Variants in BANK1 observed in about 807,000 individuals in gnomAD.
BANK1 encodes B cell scaffold protein with ankyrin repeats 1.
Under a neutral mutation model 94.5 loss-of-function variants are expected in BANK1, and 95 were observed. The ratio of observed to expected loss-of-function variants is 1.00; its 90% CI spans 0.85 to 1.19. The LOEUF (loss-of-function observed/expected upper bound fraction) is 1.19. Ranked by LOEUF, BANK1 falls within the 50% of genes most tolerant of loss-of-function variation. The pLI, the probability that BANK1 is intolerant of heterozygous loss-of-function variation, is 0.00. For synonymous variants in BANK1, 334 were observed against 308.4 expected (o/e 1.08, Z -0.87); for missense variants, 987 against 932.2 (o/e 1.06, Z -0.77).
intron 7 of BANK1, among the ~76,000 whole-genome samples, chr4:101,988,036 C>G (rs1725574676): frequency 6.6e-6 from 1 of 152,174 alleles, no homozygotes; most frequent in Admixed American, 6.5e-5. Flanking sequence ...GTGCACATCA[C>G]AGTGACACAT....
intron 11 of BANK1, among the ~76,000 whole-genome samples, chr4:102,059,934 T>A (rs187440774): frequency 6.6e-6 from 1 of 152,336 alleles, no homozygotes; most frequent in African/African-American, 2.4e-5. Context: ...AAATTGGCAC[T>A]GCCATCAACT....
intron 7 of BANK1, among the ~76,000 whole-genome samples, chr4:101,992,215 G>A (rs1186332015): frequency 7.9e-5 from 12 of 152,076 alleles, no homozygotes; most frequent in Admixed American, 4.6e-4. Flanking sequence ...GAAGAACAAA[G>A]AACAATGACT....
chr4:102,028,363 A>T (rs896776321), intron 9 of BANK1, among the ~76,000 whole-genome samples: 1 of 152,242 alleles, frequency 6.6e-6, no homozygotes, highest in Non-Finnish European at 1.5e-5. Context: ...ATTGAAAGTT[A>T]GTGCTAGGCA....
Position 102,047,009 on chromosome 4 carries a change from G to A in BANK1, c.1969+3102G>A, listed in dbSNP as rs1727900219. On this transcript the variant is annotated intron_variant, in intron 11 of 16. Coordinates refer to ENST00000322953, the MANE Select transcript of BANK1 (RefSeq NM_017935.5). ...CCGGTAAATTGTTGAAAGAGACACT[G>A]GAATAAAACCAGGAAATTGTTTCAC... 2.6e-5 allele frequency among the ~76,000 whole-genome samples: 4 copies of A among 152,196 alleles called. No homozygotes were observed. In the South Asian group the frequency reaches 8.3e-4, roughly 32 times the overall value.
chr4:101,932,550 C>T (rs1039544719), intron 7 of BANK1, among the ~76,000 whole-genome samples: 2 of 151,446 alleles, frequency 1.3e-5, no homozygotes, highest in African/African-American at 4.8e-5. Context: ...AGACAGCTAT[C>T]ACCCTATTAC....
intron 2 of BANK1, among the ~76,000 whole-genome samples, chr4:101,852,841 C>T (rs1338297477): frequency 6.6e-6 from 1 of 151,634 alleles, no homozygotes; most frequent in East Asian, 1.9e-4. Flanking sequence ...TGATTATGTC[C>T]CCAGGGTAAA....
chr4:102,060,249 A>G lies in BANK1; in HGVS notation c.2008A>G (p.Arg670Gly), dbSNP rs770582672. Residue 670 changes from arginine (R) to glycine (G), a missense_variant, in exon 12 of 17, where the codon AGG becomes GGG. Physicochemically the swap from Arg to Gly is moderately radical, Grantham distance 125. Coordinates refer to ENST00000322953, the MANE Select transcript of BANK1 (RefSeq NM_017935.5). ...RIESPAFSTL[R>G]GCLTDGQEEL... ...AGAGAGTCCAGCCTTTTCTACTCTC[A>G]GGGGCTGTCTAACTGATGGTCAGGA... 3.1e-6 allele frequency: 5 copies of G among 1,603,124 alleles called. No individual in the cohort carries two copies. The highest frequency in any genetic ancestry group is 3.5e-5 in the Admixed American group (2 of 56,836).
intron 7 of BANK1, among the ~76,000 whole-genome samples, chr4:101,963,772 C>G (rs927918048): frequency 1.3e-5 from 2 of 152,026 alleles, no homozygotes; most frequent in East Asian, 1.9e-4. Context: ...TTACCCGAGG[C>G]CTTTTCTCGC....
intron 6 of BANK1, among the ~76,000 whole-genome samples, chr4:101,901,088 A>G (rs1332621373): frequency 6.6e-6 from 1 of 152,212 alleles, no homozygotes; most frequent in East Asian, 1.9e-4. Context: ...AACTTGTGAT[A>G]TACACAACAC....
chr4:101,948,692 C>T (rs1379345369), intron 7 of BANK1, among the ~76,000 whole-genome samples: 3 of 152,010 alleles, frequency 2.0e-5, no homozygotes, highest in African/African-American at 7.2e-5. Context: ...ATATTTTTCC[C>T]TCAAGTATTA....
At chr4:101,916,039 T>C (rs114668889) in intron 6 of BANK1, among the ~76,000 whole-genome samples, 83 of 152,192 alleles carry the variant, frequency 5.5e-4, no homozygotes, top group African/African-American at 1.8e-3. Flanking sequence ...CTTCAACTTT[T>C]CAGCTACCTT....
intron 5 of BANK1, among the ~76,000 whole-genome samples, chr4:101,871,921 A>T (rs1728304282): frequency 6.6e-6 from 1 of 152,210 alleles, no homozygotes; most frequent in Admixed American, 6.5e-5. Flanking sequence ...ACAATTGGTC[A>T]GGATGCTATA....
At chr4:101,822,333 C>T (rs1039901631) in intron 1 of BANK1, among the ~76,000 whole-genome samples, 1 of 151,754 alleles carries the variant, frequency 6.6e-6, no homozygotes, top group Non-Finnish European at 1.5e-5. Context: ...GATCACGCCA[C>T]TGCACTCCAG....
intron 7 of BANK1, among the ~76,000 whole-genome samples, chr4:102,006,325 A>G (rs1726260120): frequency 6.6e-6 from 1 of 152,050 alleles, no homozygotes; most frequent in African/African-American, 2.4e-5. Flanking sequence ...CAGCAGAGTT[A>G]TTAATAAATG....
At chr4:101,897,025 G>A (rs1157883500) in intron 6 of BANK1, among the ~76,000 whole-genome samples, 1 of 151,928 alleles carries the variant, frequency 6.6e-6, no homozygotes, top group Non-Finnish European at 1.5e-5. Context: ...TAACAGGTTA[G>A]TTCTATTTGG....
chr4:101,821,638 T>A (rs905851085), intron 1 of BANK1, among the ~76,000 whole-genome samples: 2 of 152,056 alleles, frequency 1.3e-5, no homozygotes, highest in African/African-American at 4.8e-5. Flanking sequence ...ATGGTATATG[T>A]TTGGTTTGGG....
chr4:102,026,343 A>G (rs1487218450), intron 9 of BANK1, among the ~76,000 whole-genome samples: 1 of 151,948 alleles, frequency 6.6e-6, no homozygotes, highest in Non-Finnish European at 1.5e-5. Context: ...TCCAAATAAA[A>G]TGTTCTTAAG....
At chr4:101,910,694 GA>G (rs1159879652) in intron 6 of BANK1, among the ~76,000 whole-genome samples, 11,899 of 67,728 alleles carry the variant, frequency 0.18, 511 homozygotes, top group Admixed American at 0.28. Context: ...ACTCCGTCTC[GA>G]AAAAAAAAAA....
intron 5 of BANK1, among the ~76,000 whole-genome samples, chr4:101,894,801 G>T: frequency 6.6e-6 from 1 of 151,938 alleles, no homozygotes. Context: ...CTCTGTATCT[G>T]CAGGGGTAAA....
Sources: allele counts gnomAD v4.1 joint callset (sites outside exome capture counted in the v4.1 genomes callset), GRCh38; gene constraint gnomAD v4.1.1; transcripts MANE v1.5; gene names NCBI Gene and HGNC (gene_info 2026-07-23, HGNC 2026-07-21).